The following IQANK1 variants were observed in gnomAD, a reference collection of about 807,000 sequenced individuals.
IQANK1 encodes the protein IQ motif and ankyrin repeat domain-containing protein 1.
A neutral mutation model predicts 22.6 loss-of-function variants in IQANK1; 30 were observed. The observed-to-expected ratio is 1.33, with a 90% CI of 0.99 to 1.80. The LOEUF (loss-of-function observed/expected upper bound fraction) is 1.80, where lower values mean the gene tolerates loss of function less well. Ranked by LOEUF, IQANK1 falls within the 40% of genes most tolerant of loss-of-function variation. IQANK1 has a pLI of 0.00. For missense variants in IQANK1, 275 were observed against 235.2 expected, an observed-to-expected ratio of 1.17 and a Z score of -1.11; for synonymous variants, 122 against 99.6, an observed-to-expected ratio of 1.23 and a Z score of -1.34.
At chr8:143,766,644 C>T (rs549250873) in intron 3 of IQANK1, among the ~76,000 whole-genome samples, 1 of 151,672 alleles carries the variant, frequency 6.6e-6, no homozygotes, top group South Asian at 2.1e-4. Flanking sequence ...GCACTCCAGC[C>T]TACGTGACGG....
intron 7 of IQANK1, among the ~76,000 whole-genome samples, chr8:143,777,540 C>CAAAAA (rs1819712800): frequency 7.3e-6 from 1 of 137,118 alleles, no homozygotes; most frequent in Non-Finnish European, 1.5e-5. Context: ...AAAAAAAAAA[C>CAAAAA]AAACCACTAA....
chr8:143,760,238 C>T (rs998181208), intron 3 of IQANK1: 2 of 152,224 alleles, frequency 1.3e-5, no homozygotes, highest in African/African-American at 4.8e-5. Flanking sequence ...TCTTGTCAAC[C>T]ACAGGTGAGG....
intron 3 of IQANK1, among the ~76,000 whole-genome samples, chr8:143,740,314 A>G (rs1325601088): frequency 1.3e-5 from 2 of 152,068 alleles, no homozygotes; most frequent in African/African-American, 2.4e-5. Flanking sequence ...CGCCGCCCTC[A>G]GGTGGCAGGA....
intron 3 of IQANK1, among the ~76,000 whole-genome samples, chr8:143,769,476 G>A (rs1819534670): frequency 6.6e-6 from 1 of 152,216 alleles, no homozygotes; most frequent in South Asian, 2.1e-4. Flanking sequence ...GGATTACAAG[G>A]CCACTGCGCT....
At chr8:143,772,291 G>T (rs1291844654) in intron 6 of IQANK1, 48 bp downstream of exon 6, 1 of 398,268 alleles carries the variant, frequency 2.5e-6, no homozygotes, top group Non-Finnish European at 4.4e-6. Flanking sequence ...CGCGGTCCAG[G>T]GCCCTCAGGG....
In IQANK1 at chr8:143,789,973, G is replaced by T. The variant is rs544807076; in HGVS notation, c.1198G>T (p.Glu400Ter). The change falls in exon 12 of 14, where the codon GAG becomes TAG. Residue 400 changes from glutamate to a stop codon, truncating the protein, a stop_gained and splice_region_variant. Transcript: ENST00000527139. LOFTEE classifies it high-confidence loss of function. ...LELREQTQEG[E>*]EEAPGLKCQV... ...GCTGCACTCTGCTACCCCGACAGGG[G>T]AGGAAGAGGCGCCTGGGCTGAAGTG... is the stretch of plus-strand genomic sequence containing the variant. The T allele has an allele frequency of 4.9e-6, 6 of 1,231,930 alleles. No homozygotes were observed. Among genetic ancestry groups the T allele is most frequent in the Non-Finnish European group, 6.1e-6 (6 of 988,020 alleles). The allele number at this position is 1,231,930 out of a possible 1,614,324, so 76.3% of individuals were successfully genotyped here. A position where few individuals can be genotyped will look rare whatever the true frequency, so the allele number is the denominator to read the frequency against.
chr8:143,747,523 C>G (rs1554627340), intron 3 of IQANK1, among the ~76,000 whole-genome samples: 1 of 152,200 alleles, frequency 6.6e-6, no homozygotes, highest in East Asian at 1.9e-4. Context: ...CCCCTTAGCA[C>G]TGCTTTTGCT....
intron 3 of IQANK1, among the ~76,000 whole-genome samples, chr8:143,748,701 AATAT>A (rs1295733921): frequency 4.3e-5 from 5 of 116,336 alleles, no homozygotes; most frequent in Non-Finnish European, 7.9e-5. Flanking sequence ...ATCATATATA[AATAT>A]ATAAATATAT....
intron 3 of IQANK1, chr8:143,742,232 G>A: frequency 2.6e-6 from 1 of 384,222 alleles, no homozygotes; most frequent in Non-Finnish European, 5.3e-6. Flanking sequence ...CCTCACTGGT[G>A]TCCGGAGTCA....
rs76409672 is a variant in IQANK1 at position 143,760,134 on chromosome 8, T to C, written c.176-11354T>C. ...GCCCTGAAAGCGCAGGATGTCGCCC[T>C]TGTCTGGAGCACCCCACTGAAGGGG... On this transcript the variant is annotated intron_variant, in intron 3 of 13. Transcript: ENST00000527139. Among the ~76,000 whole-genome samples, 72 of 152,240 alleles carry C rather than the reference T, an allele frequency of 4.7e-4. No homozygotes were observed. In the East Asian group the frequency reaches 0.014, roughly 29 times the overall value.
chr8:143,783,843 C>G (rs187623293), intron 7 of IQANK1, among the ~76,000 whole-genome samples: 2 of 152,122 alleles, frequency 1.3e-5, no homozygotes, highest in Non-Finnish European at 2.9e-5. Context: ...AGACTGCCCT[C>G]CTCACTCTAC....
intron 3 of IQANK1, among the ~76,000 whole-genome samples, chr8:143,748,087 C>T (rs782117970): frequency 7.9e-5 from 12 of 151,700 alleles, no homozygotes; most frequent in Non-Finnish European, 1.5e-4. Flanking sequence ...CTCTGCCTCC[C>T]GGGCTCAAGC....
intron 3 of IQANK1, among the ~76,000 whole-genome samples, chr8:143,747,546 G>T (rs781923649): frequency 6.6e-6 from 1 of 152,086 alleles, no homozygotes; most frequent in Non-Finnish European, 1.5e-5. Context: ...ATCTCCTAAG[G>T]TTGGTATGTT....
At position 143,774,217 on chromosome 8, in the gene IQANK1, C is replaced by G. The variant is rs1819641442; in HGVS notation, c.789+1735C>G. On this transcript the variant is annotated intron_variant, in intron 7 of 13. Transcript: ENST00000527139. The surrounding 1 kb of genome is among the most constrained non-coding windows in gnomAD (Gnocchi z 4.2). ...ACCACATTGATAAACAGAACTTCAT[C>G]AGAATGTAAAATGTTTGCTTTGTAA... Among the ~76,000 whole-genome samples the G allele has an allele frequency of 6.7e-6, 1 of 149,860 alleles. No homozygotes were observed. The highest frequency in any genetic ancestry group is 1.5e-5 in the Non-Finnish European group (1 of 67,638).
At chr8:143,748,063 C>T (rs1819069987) in intron 3 of IQANK1, among the ~76,000 whole-genome samples, 1 of 151,456 alleles carries the variant, frequency 6.6e-6, no homozygotes, top group African/African-American at 2.4e-5. Flanking sequence ...AGCACAATCT[C>T]GGCTCACTGC....
rs1258191710 is a variant in IQANK1, at chr8:143,774,223, G to A, written c.789+1741G>A. On this transcript the variant is annotated intron_variant, in intron 7 of 13. Transcript: ENST00000527139. The surrounding 1 kb of genome is among the most constrained non-coding windows in gnomAD (Gnocchi z 4.2). ...TTGATAAACAGAACTTCATCAGAAT[G>A]TAAAATGTTTGCTTTGTAAAAGACC... is the stretch of plus-strand genomic sequence containing the variant. 5.3e-5 allele frequency among the ~76,000 whole-genome samples: 8 copies of A among 150,476 alleles called. No individual in the cohort carries two copies. The highest frequency in any genetic ancestry group is 1.7e-4 in the African/African-American group (7 of 41,004).
At chr8:143,769,370 T>A (rs4074061) in intron 3 of IQANK1, among the ~76,000 whole-genome samples, 36,645 of 151,628 alleles carry the variant, frequency 0.24, 4,784 homozygotes, top group East Asian at 0.52. Flanking sequence ...CTATATATAT[T>A]TTTTTAAAGA....
At chr8:143,780,841 C>G (rs1221762680) in intron 7 of IQANK1, among the ~76,000 whole-genome samples, 1 of 152,140 alleles carries the variant, frequency 6.6e-6, no homozygotes, top group Non-Finnish European at 1.5e-5. Flanking sequence ...GGTATATACC[C>G]AGTAATGGGA....
intron 3 of IQANK1, among the ~76,000 whole-genome samples, chr8:143,764,340 C>T (rs192650257): frequency 6.4e-4 from 97 of 152,010 alleles, no homozygotes; most frequent in Middle Eastern, 3.4e-3. Context: ...GCAGACCAGG[C>T]GCAGTGGCTC....
Sources: gnomAD v4.1 joint callset for allele counts (sites outside exome capture counted in the v4.1 genomes callset) on GRCh38, gnomAD v4.1.1 for gene constraint, Gnocchi (gnomAD v3.1) non-coding constraint, MANE v1.5 for transcripts, NCBI Gene and HGNC (gene_info 2026-07-23, HGNC 2026-07-21) for gene names.